RP1: variants seen among roughly 807,000 people sequenced by gnomAD.
The protein encoded by RP1 is oxygen-regulated protein 1.
In RP1, 16 loss-of-function variants were observed where a neutral mutation model predicts 14.8. The observed-to-expected ratio is 1.08, with a 90% CI of 0.73 to 1.65. The LOEUF is 1.65. RP1 is among the 40% of genes most tolerant of loss of function. The pLI is 0.00. For missense variants in RP1, 2,631 were observed against 2,535.0 expected (o/e 1.04, Z -0.81); for synonymous variants, 876 against 883.6 (o/e 0.99, Z 0.15).
At chr8:54,754,966 C>T (rs1369863350) in intron 20 of RP1, 2 of 1,453,472 alleles carry the variant, frequency 1.4e-6, no homozygotes, top group Non-Finnish European at 1.8e-6. Flanking sequence ...AGCATCTATT[C>T]CATAGACAAA....
At chr8:54,643,798 T>C (rs1806494483) in intron 3 of RP1, among the ~76,000 whole-genome samples, 1 of 152,176 alleles carries the variant, frequency 6.6e-6, no homozygotes, top group Non-Finnish European at 1.5e-5. Context: ...CTGGAATGCC[T>C]GACTCCATCT....
intron 1 of RP1, among the ~76,000 whole-genome samples, chr8:54,568,718 G>T (rs534433650): frequency 6.6e-6 from 1 of 152,218 alleles, no homozygotes; most frequent in South Asian, 2.1e-4. Context: ...CAGGCACATT[G>T]TAAGGTGAAA....
At chr8:54,783,633 A>G in exon 24 of RP1, 1 of 1,231,654 alleles carries the variant, frequency 8.1e-7, no homozygotes, top group Non-Finnish European at 1.0e-6. Flanking sequence ...CTATGGAGAA[A>G]CAAAATGTTC....
chr8:54,798,730 C>T (rs1008464213), intron 24 of RP1, among the ~76,000 whole-genome samples: 2 of 152,062 alleles, frequency 1.3e-5, no homozygotes, highest in Non-Finnish European at 2.9e-5. Context: ...GTAATGTATA[C>T]AGGAAACATT....
At position 54,605,404 on chromosome 8, in the gene RP1, G is replaced by GA. The variant is rs569605405; in HGVS notation, c.-12-15550dup. ...TTTGATTGCACTGTGGTCTGAGAGA[G>GA]AGTTTGTTATAATTTCTATTCTTTT... On this transcript the variant is annotated intron_variant, in intron 1 of 22. Coordinates refer to the RP1 transcript ENST00000636932. 3.6e-4 allele frequency among the ~76,000 whole-genome samples: 55 copies of GA among 152,212 alleles called. 2 individuals carry two copies. In the South Asian group the frequency reaches 0.011, roughly 30 times the overall value.
chr8:54,869,906 C>T, exon 29 of RP1: 1 of 1,231,970 alleles, frequency 8.1e-7, no homozygotes, highest in Non-Finnish European at 1.0e-6. Flanking sequence ...AAAGTAGTCC[C>T]AGTGCAGTAG....
chr8:54,830,746 C>T (rs993766036), intron 24 of RP1, among the ~76,000 whole-genome samples: 15 of 152,128 alleles, frequency 9.9e-5, no homozygotes, highest in African/African-American at 3.1e-4. Context: ...ACGTACCATT[C>T]AGTGGCAGTT....
intron 1 of RP1, among the ~76,000 whole-genome samples, chr8:54,610,671 T>C (rs1805569503): frequency 6.6e-6 from 1 of 152,142 alleles, no homozygotes; most frequent in Non-Finnish European, 1.5e-5. Context: ...TGGACAAAAA[T>C]CTTAGTCTTC....
chr8:54,772,973 C>G (rs916482672), downstream of RP1, among the ~76,000 whole-genome samples: 1 of 152,076 alleles, frequency 6.6e-6, no homozygotes, highest in African/African-American at 2.4e-5. Context: ...TTTTCTCAAC[C>G]TTTGTGGGGA....
chr8:54,614,418 G>A (rs1378146528), upstream of RP1, among the ~76,000 whole-genome samples: 31 of 152,028 alleles, frequency 2.0e-4, 1 homozygote, highest in Admixed American at 2.0e-3. Flanking sequence ...AGGGCCAGAA[G>A]CATCAGCATC....
chr8:54,711,660 C>T (rs372102302), intron 15 of RP1, among the ~76,000 whole-genome samples: 1 of 152,172 alleles, frequency 6.6e-6, no homozygotes, highest in East Asian at 1.9e-4. Flanking sequence ...AGGTCTTCAC[C>T]TAAAACTGAC....
Position 54,728,401 on chromosome 8 carries a change from T to C in RP1, c.2521+1925T>C, listed in dbSNP as rs2129353505. 3.3e-5 allele frequency among the ~76,000 whole-genome samples: 5 copies of C among 152,284 alleles called. 1 individual carries two copies. In the Middle Eastern group the frequency reaches 0.014, roughly 414 times the overall value. ...GCCATTCATATTAAAATATGTTAGT[T>C]GAAAAACACTTTAGAAAACTTATTT... On this transcript the variant is annotated intron_variant, in intron 17 of 22. Coordinates refer to the RP1 transcript ENST00000636932.
intron 12 of RP1, among the ~76,000 whole-genome samples, chr8:54,694,190 G>A (rs1383925414): frequency 6.6e-6 from 1 of 152,140 alleles, no homozygotes; most frequent in East Asian, 1.9e-4. Flanking sequence ...TAGTGGATAA[G>A]CTTTTTGATG....
chr8:54,592,251 A>G (rs1805057111), intron 1 of RP1, among the ~76,000 whole-genome samples: 1 of 152,218 alleles, frequency 6.6e-6, no homozygotes, highest in Non-Finnish European at 1.5e-5. Context: ...CTTTCCATTA[A>G]GGGCACAGGT....
At chr8:54,854,622 T>C (rs1812144825) in intron 26 of RP1, among the ~76,000 whole-genome samples, 2 of 152,208 alleles carry the variant, frequency 1.3e-5, no homozygotes, top group African/African-American at 4.8e-5. Flanking sequence ...CCCAGCACTT[T>C]GGGAGGCCGA....
chr8:54,773,024 T>G (rs2129375977), downstream of RP1, among the ~76,000 whole-genome samples: 1 of 152,280 alleles, frequency 6.6e-6, no homozygotes, highest in Admixed American at 6.5e-5. Flanking sequence ...TACCACTTAT[T>G]TGGAGCCCAA....
At chr8:54,617,382 G>A (rs2129312596) in intron 1 of RP1, among the ~76,000 whole-genome samples, 1 of 152,326 alleles carries the variant, frequency 6.6e-6, no homozygotes, top group Non-Finnish European at 1.5e-5. Flanking sequence ...AAGATACATT[G>A]CTAAATTTCC....
chr8:54,678,627 C>T (rs1807352851), intron 9 of RP1: 2 of 1,023,752 alleles, frequency 2.0e-6, no homozygotes, highest in Non-Finnish European at 1.4e-6. Flanking sequence ...TTAGTTGTTC[C>T]TAGTCACTGA....
intron 6 of RP1, among the ~76,000 whole-genome samples, chr8:54,663,098 T>C (rs1376048358): frequency 6.6e-6 from 1 of 152,200 alleles, no homozygotes; most frequent in Non-Finnish European, 1.5e-5. Flanking sequence ...TCTTCTGCTG[T>C]CCTGCTCCAT....
Sources: allele counts gnomAD v4.1 joint callset (sites outside exome capture counted in the v4.1 genomes callset), GRCh38; gene constraint gnomAD v4.1.1; transcripts MANE v1.5; gene names NCBI Gene and HGNC (gene_info 2026-07-23, HGNC 2026-07-21).